The following TMEM154 variants were observed in gnomAD, a reference collection of about 807,000 sequenced individuals.
TMEM154 encodes transmembrane protein 154.
In TMEM154, 27 loss-of-function variants were observed where a neutral mutation model predicts 24.5. The observed-to-expected ratio is 1.10, with a 90% CI of 0.81 to 1.52. The LOEUF (loss-of-function observed/expected upper bound fraction) is 1.52. Among genes scored for constraint, TMEM154 ranks in the 40% most tolerant of loss-of-function variants. The probability of loss-of-function intolerance (pLI) is 0.00; values close to 1 mark genes in which losing one functional copy is unlikely to be tolerated. For synonymous variants in TMEM154, 67 were observed against 76.8 expected, an observed-to-expected ratio of 0.87 and a Z score of 0.67; for missense variants, 228 against 213.4, an observed-to-expected ratio of 1.07 and a Z score of -0.43.
rs1402809362 is a variant in TMEM154, at chr4:152,644,410, C to T, written c.392+5G>A. ...GGTGGATCAGAAGCAGCAGGGAAAA[C>T]TTACACTTTCACGTTTTCACTTCCC... On this transcript the variant is annotated splice_donor_5th_base_variant and intron_variant, in intron 4 of 6. Transcript: ENST00000304385. The T allele has an allele frequency of 6.2e-7, 1 of 1,614,018 alleles. No individual in the cohort carries two copies. The highest frequency in any genetic ancestry group is 8.5e-7 in the Non-Finnish European group (1 of 1,180,002).
intron 6 of TMEM154, among the ~76,000 whole-genome samples, chr4:152,632,196 T>C (rs72956752): frequency 0.026 from 4,022 of 152,262 alleles, 187 homozygotes; most frequent in African/African-American, 0.087. Flanking sequence ...TTTTTCTATA[T>C]TTTTTCTGGC....
rs1231148856 is a variant in TMEM154 at position 152,621,890 on chromosome 4, T to C, written c.*6656A>G. ...CAGTGCAGTGGCTCAGTCTTGGCAC[T>C]CACTGCAAACCCCGCCTCCCAGGTT... On this transcript the variant is annotated 3_prime_UTR_variant, in exon 7 of 7. Coordinates refer to ENST00000304385, the MANE Select transcript of TMEM154 (RefSeq NM_152680.3). 3.9e-5 allele frequency: 6 copies of C among 152,186 alleles called. No homozygotes were observed. In the East Asian group the frequency reaches 5.8e-4, roughly 15 times the overall value. 9.4% of individuals were successfully genotyped at this position (152,186 alleles called of 1,614,324 possible).
intron 6 of TMEM154, among the ~76,000 whole-genome samples, chr4:152,633,232 G>T (rs185093443): frequency 6.6e-6 from 1 of 152,170 alleles, no homozygotes; most frequent in African/African-American, 2.4e-5. Flanking sequence ...CAGCTCTGTG[G>T]ACCGTGAGCA....
chr4:152,663,577 A>G (rs1254571887), intron 1 of TMEM154, among the ~76,000 whole-genome samples: 1 of 152,254 alleles, frequency 6.6e-6, no homozygotes, highest in Non-Finnish European at 1.5e-5. Flanking sequence ...ATTTGGCAGA[A>G]GCCCCTGCTG....
At chr4:152,635,545 A>T (rs1752131411) in intron 6 of TMEM154, among the ~76,000 whole-genome samples, 1 of 152,206 alleles carries the variant, frequency 6.6e-6, no homozygotes, top group Non-Finnish European at 1.5e-5. Flanking sequence ...TTGAAAACCT[A>T]CATCAAAAAT....
chr4:152,649,518 A>G (rs77581839), intron 3 of TMEM154, among the ~76,000 whole-genome samples: 1,690 of 152,364 alleles, frequency 0.011, 20 homozygotes, highest in Middle Eastern at 0.037. Context: ...CATAGCTTCA[A>G]TGGGAATAAG....
chr4:152,677,105 A>G (rs192118199), intron 1 of TMEM154, among the ~76,000 whole-genome samples: 4 of 152,312 alleles, frequency 2.6e-5, no homozygotes, highest in Admixed American at 2.6e-4. Context: ...ACACTGGCCA[A>G]GGCACCTAGG....
chr4:152,672,696 G>A (rs1408452130), intron 1 of TMEM154, among the ~76,000 whole-genome samples: 3 of 152,144 alleles, frequency 2.0e-5, no homozygotes, highest in Non-Finnish European at 2.9e-5. Flanking sequence ...GAACTCACAG[G>A]CTCTCTCATT....
At chr4:152,635,161 ATT>A (rs2149778736) in intron 6 of TMEM154, among the ~76,000 whole-genome samples, 1 of 152,354 alleles carries the variant, frequency 6.6e-6, no homozygotes, top group Non-Finnish European at 1.5e-5. Context: ...TTTTCTTGCA[ATT>A]AATGGTTAAG....
intron 1 of TMEM154, among the ~76,000 whole-genome samples, chr4:152,660,763 G>T (rs1192171411): frequency 2.6e-5 from 4 of 152,192 alleles, no homozygotes; most frequent in African/African-American, 9.7e-5. Context: ...CCTATACTAG[G>T]AGGTGGCTTT....
intron 1 of TMEM154, among the ~76,000 whole-genome samples, chr4:152,662,680 GC>G (rs1329497485): frequency 1.3e-5 from 2 of 152,158 alleles, no homozygotes; most frequent in Non-Finnish European, 2.9e-5. Flanking sequence ...TGGACATGGG[GC>G]CCCCTAAAAC....
At chr4:152,644,543 G>C in intron 3 of TMEM154, 101 bp from the exon 4 acceptor site, 1 of 1,146,648 alleles carries the variant, frequency 8.7e-7, no homozygotes, top group Non-Finnish European at 1.3e-6. Context: ...AGAGCAAAAT[G>C]ACATTAAGTA....
intron 6 of TMEM154, 71 bp downstream of exon 6, chr4:152,640,857 G>GTTCC: frequency 7.4e-7 from 1 of 1,359,238 alleles, no homozygotes; most frequent in South Asian, 1.2e-5. Context: ...AGCAAAAAGT[G>GTTCC]TTCCACCCTG....
At position 152,623,328 on chromosome 4, in the gene TMEM154, T is replaced by A. The variant is rs1378638684; in HGVS notation, c.*5218A>T. The A allele has an allele frequency of 6.6e-6, 1 of 152,046 alleles. No homozygotes were observed. Among genetic ancestry groups the A allele is most frequent in the Non-Finnish European group, 1.5e-5 (1 of 67,990 alleles). 9.4% of individuals were successfully genotyped at this position (152,046 alleles called of 1,614,324 possible). A position where few individuals can be genotyped will look rare whatever the true frequency, so the allele number is the denominator to read the frequency against. ...GTTAACTTTAAATACAAGATACACA[T>A]GTGTTAAATTATTACTAATCTACCA... On this transcript the variant is annotated 3_prime_UTR_variant, in exon 7 of 7. Transcript: ENST00000304385.
Position 152,652,890 on chromosome 4 carries a change from AG to A in TMEM154, c.101del (p.Thr34MetfsTer10). The A allele has an allele frequency of 6.2e-7, 1 of 1,612,326 alleles. No individual in the cohort carries two copies. Among genetic ancestry groups the A allele is most frequent in the Non-Finnish European group, 8.5e-7 (1 of 1,179,370 alleles). ...YEELENSGDT[T>X]VESERPNKVT... ...CTTTATTTGGTCTTTCAGATTCCACAGTTGTATCTCCTGAGTTTTCTAATTC... is the reference window on the plus strand; with the variant it reads ...CTTTATTTGGTCTTTCAGATTCCACATTGTATCTCCTGAGTTTTCTAATTC... On this transcript the variant is annotated frameshift_variant, in exon 2 of 7. Transcript: ENST00000304385. LOFTEE classifies it high-confidence loss of function.
intron 1 of TMEM154, among the ~76,000 whole-genome samples, chr4:152,671,069 A>T (rs1337373148): frequency 1.3e-5 from 2 of 152,176 alleles, no homozygotes; most frequent in Non-Finnish European, 2.9e-5. Flanking sequence ...CAGGTATTTG[A>T]TGCAGGGGAA....
intron 3 of TMEM154, among the ~76,000 whole-genome samples, chr4:152,651,581 T>G (rs1408236548): frequency 6.6e-6 from 1 of 152,242 alleles, no homozygotes; most frequent in African/African-American, 2.4e-5. Context: ...TTAAGGAGAA[T>G]TAAGGCCTTG....
intron 1 of TMEM154, among the ~76,000 whole-genome samples, chr4:152,667,514 G>A (rs370907389): frequency 2.4e-4 from 37 of 152,302 alleles, no homozygotes; most frequent in African/African-American, 8.4e-4. Context: ...CAGGACTCGA[G>A]AAGAGGAGGG....
At chr4:152,637,997 A>T (rs1752183199) in intron 6 of TMEM154, among the ~76,000 whole-genome samples, 1 of 152,162 alleles carries the variant, frequency 6.6e-6, no homozygotes. Context: ...ACAGTGGCTC[A>T]CTCCTGTCAT....
Sources: gnomAD v4.1 joint callset for allele counts (sites outside exome capture counted in the v4.1 genomes callset) on GRCh38, gnomAD v4.1.1 for gene constraint, MANE v1.5 for transcripts, NCBI Gene and HGNC (gene_info 2026-07-23, HGNC 2026-07-21) for gene names.